SAMMSON: variants seen among roughly 807,000 people sequenced by gnomAD.
The protein encoded by SAMMSON is long intergenic non-protein coding RNA 1212.
intron 7 of SAMMSON, among the ~76,000 whole-genome samples, chr3:70,327,696 A>G (rs1702589433): frequency 6.6e-6 from 1 of 152,174 alleles, no homozygotes; most frequent in Non-Finnish European, 1.5e-5. Flanking sequence ...GGCAGAATAA[A>G]AAGACTTCAC....
chr3:70,238,788 A>G (rs1701637544), intron 4 of SAMMSON, among the ~76,000 whole-genome samples: 1 of 152,082 alleles, frequency 6.6e-6, no homozygotes, highest in African/African-American at 2.4e-5. Flanking sequence ...TGAGTCTACA[A>G]ATTCCCTCTT....
intron 6 of SAMMSON, among the ~76,000 whole-genome samples, chr3:70,280,700 C>T (rs1702073938): frequency 6.6e-6 from 1 of 152,152 alleles, no homozygotes; most frequent in Non-Finnish European, 1.5e-5. Flanking sequence ...AGGCAGGTCT[C>T]CAAAGCCAGC....
intron 4 of SAMMSON, among the ~76,000 whole-genome samples, chr3:70,164,181 C>G (rs2067627453): frequency 6.6e-6 from 1 of 152,006 alleles, no homozygotes; most frequent in Non-Finnish European, 1.5e-5. Flanking sequence ...ATCTGAGATT[C>G]TGATGCAGGC....
intron 6 of SAMMSON, among the ~76,000 whole-genome samples, chr3:70,259,417 A>T (rs546780591): frequency 1.5e-4 from 22 of 144,380 alleles, no homozygotes; most frequent in East Asian, 7.9e-4. Flanking sequence ...ATTGACTTTT[A>T]AAAAAAAAAA....
intron 4 of SAMMSON, among the ~76,000 whole-genome samples, chr3:70,215,267 G>A (rs1031566933): frequency 6.6e-6 from 1 of 152,070 alleles, no homozygotes; most frequent in Non-Finnish European, 1.5e-5. Flanking sequence ...CCGCTGGTAA[G>A]GGGCAGAGCT....
intron 2 of SAMMSON, among the ~76,000 whole-genome samples, chr3:70,431,323 G>C (rs1701410829): frequency 6.6e-6 from 1 of 151,952 alleles, no homozygotes; most frequent in Non-Finnish European, 1.5e-5. Context: ...CTAGTTTTGG[G>C]TGAAAAAGAA....
chr3:70,023,059 A>G (rs1269291957), intron 3 of SAMMSON, among the ~76,000 whole-genome samples: 2 of 152,212 alleles, frequency 1.3e-5, no homozygotes, highest in Admixed American at 6.5e-5. Context: ...TCCGAATTGC[A>G]AAATCTCACC....
At chr3:70,405,272 C>T (rs1258584218) in intron 2 of SAMMSON, among the ~76,000 whole-genome samples, 1 of 152,178 alleles carries the variant, frequency 6.6e-6, no homozygotes, top group East Asian at 1.9e-4. Context: ...CCTAAAGCTT[C>T]ACTGATGGCC....
intron 4 of SAMMSON, among the ~76,000 whole-genome samples, chr3:70,082,722 C>T (rs2106641927): frequency 6.6e-6 from 1 of 152,292 alleles, no homozygotes; most frequent in African/African-American, 2.4e-5. Flanking sequence ...TTCTCTGAGC[C>T]TTATCTGTAA....
At chr3:70,283,131 C>G (rs565446477) in intron 6 of SAMMSON, among the ~76,000 whole-genome samples, 1 of 152,232 alleles carries the variant, frequency 6.6e-6, no homozygotes, top group African/African-American at 2.4e-5. Context: ...ATGCATTTAT[C>G]TTGACATCAA....
Position 70,106,538 on chromosome 3 carries a change from G to A in SAMMSON, n.507+34973G>A, listed in dbSNP as rs570287234. ...TTTTTTTTCTAGAGATAGAGTCTTG[G>A]TATGTTACCCAGGCTGGTCTCGAAC... On this transcript the variant is annotated intron_variant and non_coding_transcript_variant, in intron 4 of 9. Coordinates refer to ENST00000642114, the Ensembl canonical transcript of SAMMSON. Among the ~76,000 whole-genome samples, 6 of 150,374 alleles carry A rather than the reference G, an allele frequency of 4.0e-5. No individual in the cohort carries two copies. In the East Asian group the frequency reaches 9.8e-4, roughly 25 times the overall value.
intron 4 of SAMMSON, among the ~76,000 whole-genome samples, chr3:70,214,435 A>C (rs1297554641): frequency 6.6e-6 from 1 of 152,100 alleles, no homozygotes; most frequent in African/African-American, 2.4e-5. Flanking sequence ...TTTTTTAAAA[A>C]GAGAGAAAAG....
chr3:70,143,376 G>T (rs1352505347), intron 4 of SAMMSON, among the ~76,000 whole-genome samples: 2 of 151,888 alleles, frequency 1.3e-5, no homozygotes, highest in African/African-American at 4.8e-5. Flanking sequence ...GAATGTGTGT[G>T]TGTGTGTGTA....
Position 70,125,508 on chromosome 3 carries a change from A to T in SAMMSON, n.507+53943A>T, listed in dbSNP as rs1266117915. On this transcript the variant is annotated intron_variant and non_coding_transcript_variant, in intron 4 of 9. Transcript: ENST00000642114. ...TTTTTAATCTCTTCTGTGATGTTCA[A>T]ATTAGGTTTGGGAAAGATTTTTCCA... The T allele has an allele frequency of 1.4e-5, 10 of 716,318 alleles. No homozygotes were observed. The South Asian group carries it at 1.4e-4, about 10-fold the overall frequency. The allele number at this position is 716,318 out of a possible 1,614,324, so 44.4% of individuals were successfully genotyped here.
intron 4 of SAMMSON, among the ~76,000 whole-genome samples, chr3:70,204,185 C>A (rs574904674): frequency 2.0e-4 from 30 of 152,268 alleles, no homozygotes; most frequent in African/African-American, 7.0e-4. Context: ...CTCATTTATA[C>A]ATTTGAAAAT....
chr3:70,367,183 C>T (rs1702929181), intron 9 of SAMMSON, among the ~76,000 whole-genome samples: 2 of 151,564 alleles, frequency 1.3e-5, no homozygotes, highest in African/African-American at 4.8e-5. Flanking sequence ...CAAATCTTTT[C>T]TTCCAACTAC....
chr3:70,004,099 G>A (rs2066916598), intron 1 of SAMMSON, among the ~76,000 whole-genome samples: 3 of 152,022 alleles, frequency 2.0e-5, no homozygotes, highest in African/African-American at 4.8e-5. Flanking sequence ...ATACTATTAT[G>A]ATTTTGGTAA....
At chr3:70,126,104 T>G in intron 4 of SAMMSON, 1 of 1,249,940 alleles carries the variant, frequency 8.0e-7, no homozygotes, top group East Asian at 2.5e-5. Context: ...GCATTTACTC[T>G]GTTTGTTAGG....
chr3:70,231,428 C>T (rs559293700), intron 4 of SAMMSON, among the ~76,000 whole-genome samples: 11 of 152,312 alleles, frequency 7.2e-5, no homozygotes, highest in African/African-American at 2.6e-4. Flanking sequence ...GAGCTCCCGA[C>T]GCCTTCCTGA....
Sources: gnomAD v4.1 joint callset for allele counts (sites outside exome capture counted in the v4.1 genomes callset) on GRCh38, gnomAD v4.1.1 for gene constraint, MANE v1.5 for transcripts, NCBI Gene and HGNC (gene_info 2026-07-23, HGNC 2026-07-21) for gene names.